GRID2: variants seen among roughly 807,000 people sequenced by gnomAD.
The protein encoded by GRID2 is glutamate ionotropic receptor delta type subunit 2.
In GRID2, 33 loss-of-function variants were observed where a neutral mutation model predicts 114.8. The observed-to-expected ratio is 0.29, with a 90% CI of 0.22 to 0.38. The LOEUF is 0.38. GRID2 is among the 10% of genes least tolerant of loss of function. GRID2 has a pLI of 1.00. For missense variants in GRID2, 1,184 were observed against 1,257.7 expected, an observed-to-expected ratio of 0.94 and a Z score of 0.89; for synonymous variants, 505 against 449.9, an observed-to-expected ratio of 1.12 and a Z score of -1.55.
In GRID2 at chr4:93,178,380, ATTTTTTT is replaced by A. The variant is rs11428288; in HGVS notation, c.736-29000_736-28994del. ...CTTATATTGTTTTCCTTGAAAATAG[ATTTTTTT>A]TTTTTTTTTTTTTTTTTTTTTTTCC... On this transcript the variant is annotated intron_variant, in intron 4 of 15. Coordinates refer to ENST00000282020, the MANE Select transcript of GRID2 (RefSeq NM_001510.4). 2.6e-3 allele frequency among the ~76,000 whole-genome samples: 132 copies of A among 50,334 alleles called. 1 individual carries two copies. The highest frequency in any genetic ancestry group is 8.5e-3 in the African/African-American group (107 of 12,576). The allele number at this position is 50,334 out of a possible 152,430, so 33.0% of individuals were successfully genotyped here. A position where few individuals can be genotyped will look rare whatever the true frequency, so the allele number is the denominator to read the frequency against.
rs927517342 is a variant in GRID2 at position 93,338,779 on chromosome 4, T to C, written c.1246-56828T>C. 7.0e-4 allele frequency among the ~76,000 whole-genome samples: 106 copies of C among 152,278 alleles called. 1 individual carries two copies. The highest frequency in any genetic ancestry group is 2.4e-3 in the African/African-American group (98 of 41,570). ...CTGATTTCCTGCAATAATGAAAATT[T>C]GGCTCATTTATGTTATTTTTTCTCT... On this transcript the variant is annotated intron_variant, in intron 8 of 15. Coordinates refer to ENST00000282020, the MANE Select transcript of GRID2 (RefSeq NM_001510.4).
At chr4:92,702,242 C>G (rs1439858576) in intron 2 of GRID2, 2 of 152,166 alleles carry the variant, frequency 1.3e-5, no homozygotes, top group Non-Finnish European at 2.9e-5. Flanking sequence ...CAAATCACCT[C>G]ATATCTTACC....
In GRID2 at chr4:93,401,491, T is replaced by C. The variant is rs530898164; in HGVS notation, c.1347+5783T>C. Among the ~76,000 whole-genome samples the C allele has an allele frequency of 5.3e-5, 8 of 152,252 alleles. No individual in the cohort carries two copies. The South Asian group carries it at 1.7e-3, about 32-fold the overall frequency. On this transcript the variant is annotated intron_variant, in intron 9 of 15. Transcript: ENST00000282020. ...AGGAAACATTTTAGATTAAATAATGTATGGTATTTTTACAAATTAAGTTAA... is the reference window on the plus strand; with the variant it reads ...AGGAAACATTTTAGATTAAATAATGCATGGTATTTTTACAAATTAAGTTAA...
chr4:93,331,957 A>G (rs1199386081), intron 8 of GRID2, among the ~76,000 whole-genome samples: 1 of 152,090 alleles, frequency 6.6e-6, no homozygotes, highest in African/African-American at 2.4e-5. Flanking sequence ...ACTCTCTAAT[A>G]GCTTTCATTT....
chr4:93,592,757 C>T (rs186700512), intron 13 of GRID2, among the ~76,000 whole-genome samples: 1 of 152,160 alleles, frequency 6.6e-6, no homozygotes. Context: ...TGGGTGCATA[C>T]ATATTTAGGA....
chr4:93,028,034 A>T (rs2149253954), intron 2 of GRID2, among the ~76,000 whole-genome samples: 1 of 152,270 alleles, frequency 6.6e-6, no homozygotes, highest in Non-Finnish European at 1.5e-5. Context: ...ACACTTGGAA[A>T]TGTTCCTGCT....
At chr4:92,971,748 A>G (rs1352898293) in intron 2 of GRID2, among the ~76,000 whole-genome samples, 4 of 151,862 alleles carry the variant, frequency 2.6e-5, no homozygotes, top group Non-Finnish European at 5.9e-5. Context: ...TGCTTCCATG[A>G]GCTCAATTTT....
chr4:92,547,940 G>A (rs1726350712), intron 1 of GRID2, among the ~76,000 whole-genome samples: 1 of 152,082 alleles, frequency 6.6e-6, no homozygotes, highest in South Asian at 2.1e-4. Context: ...CTGTGAAATG[G>A]AAGAAGTAAA....
intron 1 of GRID2, among the ~76,000 whole-genome samples, chr4:92,492,097 C>G (rs1399955172): frequency 1.3e-5 from 2 of 152,094 alleles, no homozygotes; most frequent in Non-Finnish European, 2.9e-5. Context: ...TCCTAAAAGG[C>G]TTTGTATGCT....
At chr4:92,677,704 C>A (rs1354243285) in intron 2 of GRID2, among the ~76,000 whole-genome samples, 1 of 152,078 alleles carries the variant, frequency 6.6e-6, no homozygotes, top group Non-Finnish European at 1.5e-5. Flanking sequence ...TCCAGTCGTA[C>A]AAGAAAATTT....
chr4:92,584,653 AT>A (rs1579628836), intron 1 of GRID2, among the ~76,000 whole-genome samples: 1 of 151,992 alleles, frequency 6.6e-6, no homozygotes, highest in Non-Finnish European at 1.5e-5. Flanking sequence ...AAATAAATGG[AT>A]TTAATATGCT....
intron 2 of GRID2, among the ~76,000 whole-genome samples, chr4:93,036,181 C>T (rs1194797799): frequency 6.6e-6 from 1 of 152,054 alleles, no homozygotes; most frequent in African/African-American, 2.4e-5. Context: ...TTCTTATAAC[C>T]TAAAACAACC....
At chr4:93,214,555 T>C (rs1489028472) in intron 5 of GRID2, among the ~76,000 whole-genome samples, 1 of 152,094 alleles carries the variant, frequency 6.6e-6, no homozygotes. Context: ...GATTGTCTGT[T>C]AGTTTCTTTC....
At chr4:93,555,250 C>A (rs191691807) in intron 13 of GRID2, among the ~76,000 whole-genome samples, 1 of 152,100 alleles carries the variant, frequency 6.6e-6, no homozygotes. Context: ...GGAATGCCAG[C>A]GAGACAGAAC....
At chr4:93,086,524 G>A (rs1447178937) in intron 3 of GRID2, among the ~76,000 whole-genome samples, 1 of 152,104 alleles carries the variant, frequency 6.6e-6, no homozygotes, top group Non-Finnish European at 1.5e-5. Context: ...ATATTCAATG[G>A]TTGCATGGGG....
intron 8 of GRID2, among the ~76,000 whole-genome samples, chr4:93,386,175 TTGAGGTAAAAAA>T (rs1764295151): frequency 6.6e-6 from 1 of 152,174 alleles, no homozygotes; most frequent in Admixed American, 6.6e-5. Context: ...GTCTCATTGA[TTGAGGTAAAAAA>T]TGACAGCAGT....
intron 9 of GRID2, 42 bp downstream of exon 9, chr4:93,395,750 T>C: frequency 1.2e-6 from 1 of 820,806 alleles, no homozygotes; most frequent in South Asian, 1.4e-5. Context: ...TTTTGGAGGT[T>C]ACTTTATCCT....
At chr4:93,124,105 A>AT (rs1436743220) in intron 4 of GRID2, among the ~76,000 whole-genome samples, 8 of 87,424 alleles carry the variant, frequency 9.2e-5, no homozygotes, top group East Asian at 3.1e-4. Flanking sequence ...TTAAAGTATA[A>AT]TAAAAAAAAA....
intron 11 of GRID2, among the ~76,000 whole-genome samples, chr4:93,463,790 C>T (rs1434570477): frequency 2.0e-5 from 3 of 151,860 alleles, no homozygotes; most frequent in South Asian, 4.1e-4. Flanking sequence ...GAGATCGAGA[C>T]CATCCTGGCT....
Sources: gnomAD v4.1 joint callset for allele counts (sites outside exome capture counted in the v4.1 genomes callset) on GRCh38, gnomAD v4.1.1 for gene constraint, MANE v1.5 for transcripts, NCBI Gene and HGNC (gene_info 2026-07-23, HGNC 2026-07-21) for gene names.